The following DTNBP1 variants were observed in gnomAD, a reference collection of about 807,000 sequenced individuals.
DTNBP1 encodes dysbindin.
DTNBP1 carries 35 observed loss-of-function variants against 42.8 expected under a neutral mutation model. The ratio of observed to expected loss-of-function variants is 0.82; its 90% CI spans 0.63 to 1.09. The LOEUF is 1.09. Ranked by LOEUF, DTNBP1 falls within the 50% of genes least tolerant of loss-of-function variation. DTNBP1 has a pLI of 0.00. For missense variants in DTNBP1, 457 were observed against 424.2 expected (o/e 1.08, Z -0.68); for synonymous variants, 171 against 162.2 (o/e 1.05, Z -0.41).
At chr6:15,602,748 A>C (rs994187657) in intron 6 of DTNBP1, among the ~76,000 whole-genome samples, 1 of 152,204 alleles carries the variant, frequency 6.6e-6, no homozygotes, top group Non-Finnish European at 1.5e-5. Context: ...CTTAATTTCA[A>C]AAAACTTTTC....
intron 8 of DTNBP1, among the ~76,000 whole-genome samples, chr6:15,529,603 T>A (rs1772669678): frequency 6.6e-6 from 1 of 152,230 alleles, no homozygotes; most frequent in African/African-American, 2.4e-5. Context: ...GGGACACCCC[T>A]GGCTCCATAG....
intron 7 of DTNBP1, among the ~76,000 whole-genome samples, chr6:15,575,025 A>T (rs1489638299): frequency 3.9e-5 from 6 of 152,230 alleles, no homozygotes; most frequent in Admixed American, 3.3e-4. Context: ...TGATACTGCC[A>T]TACTAGCCCA....
intron 6 of DTNBP1, among the ~76,000 whole-genome samples, chr6:15,596,803 G>C (rs1235981838): frequency 6.6e-6 from 1 of 152,130 alleles, no homozygotes; most frequent in Non-Finnish European, 1.5e-5. Context: ...AAGTGGAGTA[G>C]GCTACTCAAA....
chr6:15,568,986 AC>A (rs1775218456), intron 7 of DTNBP1, among the ~76,000 whole-genome samples: 1 of 152,152 alleles, frequency 6.6e-6, no homozygotes, highest in East Asian at 1.9e-4. Flanking sequence ...AGTCAACTGT[AC>A]TTTTTTCCCC....
intron 3 of DTNBP1, among the ~76,000 whole-genome samples, chr6:15,650,349 C>T (rs899505630): frequency 6.6e-5 from 10 of 152,176 alleles, no homozygotes; most frequent in Non-Finnish European, 1.2e-4. Context: ...CTCGGCTCAC[C>T]GCAACCCCTG....
At position 15,662,928 on chromosome 6, in the gene DTNBP1, C is replaced by A; in HGVS notation, c.-59G>T. 6.3e-7 allele frequency: 1 copy of A among 1,596,306 alleles called. No homozygotes were observed. Among genetic ancestry groups the A allele is most frequent in the Non-Finnish European group, 8.5e-7 (1 of 1,176,716 alleles). On this transcript the variant is annotated 5_prime_UTR_variant, in exon 1 of 10. Coordinates refer to ENST00000344537, the MANE Select transcript of DTNBP1 (RefSeq NM_032122.5). ...CGGGCTGCTGCTGCCTCTGTCGCCC[C>A]CTGGGTCCCACGCCGCCAACCCCGC...
At chr6:15,565,339 C>T (rs546372501) in intron 7 of DTNBP1, among the ~76,000 whole-genome samples, 5 of 152,258 alleles carry the variant, frequency 3.3e-5, no homozygotes, top group East Asian at 1.9e-4. Flanking sequence ...TAGGAATCTA[C>T]GCAAGAGGAT....
At chr6:15,577,983 T>C (rs576695128) in intron 7 of DTNBP1, among the ~76,000 whole-genome samples, 1 of 152,248 alleles carries the variant, frequency 6.6e-6, no homozygotes, top group Admixed American at 6.5e-5. Context: ...GCAAAAGGGA[T>C]TAAGGAAAAG....
chr6:15,585,966 C>T (rs930049269), intron 7 of DTNBP1: 58 of 1,311,974 alleles, frequency 4.4e-5, no homozygotes, highest in Non-Finnish European at 5.8e-6. Context: ...TTGGAATCTA[C>T]TGCCTCTATA....
chr6:15,600,043 A>AT (rs1389551831), intron 6 of DTNBP1, among the ~76,000 whole-genome samples: 3,575 of 147,400 alleles, frequency 0.024, 145 homozygotes, highest in African/African-American at 0.081. Flanking sequence ...TAGAAGGTGG[A>AT]TTTTTTTTTT....
At chr6:15,604,225 G>T (rs1776842415) in intron 6 of DTNBP1, among the ~76,000 whole-genome samples, 1 of 152,160 alleles carries the variant, frequency 6.6e-6, no homozygotes, top group Non-Finnish European at 1.5e-5. Context: ...TTTCGGGGGA[G>T]AGAATAAATC....
intron 9 of DTNBP1, chr6:15,523,676 A>T (rs1772104786): frequency 7.8e-7 from 1 of 1,287,316 alleles, no homozygotes; most frequent in Non-Finnish European, 1.0e-6. Context: ...CTCTTCAAGG[A>T]ATCAAAATTC....
intron 7 of DTNBP1, among the ~76,000 whole-genome samples, chr6:15,565,345 A>G (rs765168212): frequency 6.6e-5 from 10 of 152,268 alleles, no homozygotes; most frequent in Non-Finnish European, 1.3e-4. Context: ...TCTACGCAAG[A>G]GGATGAAAAC....
At chr6:15,628,867 T>C (rs1759517669) in intron 4 of DTNBP1, among the ~76,000 whole-genome samples, 1 of 152,204 alleles carries the variant, frequency 6.6e-6, no homozygotes, top group Non-Finnish European at 1.5e-5. Flanking sequence ...TTCACTATAG[T>C]AGGAATTCTC....
At chr6:15,530,007 T>C (rs1772702797) in intron 8 of DTNBP1, among the ~76,000 whole-genome samples, 1 of 152,272 alleles carries the variant, frequency 6.6e-6, no homozygotes, top group Admixed American at 6.5e-5. Context: ...AGTGGGCACA[T>C]ATGTGCCTTC....
intron 3 of DTNBP1, among the ~76,000 whole-genome samples, chr6:15,650,763 T>C (rs1488329493): frequency 2.0e-5 from 3 of 152,196 alleles, no homozygotes; most frequent in Non-Finnish European, 4.4e-5. Context: ...TCTGGATACA[T>C]GTTGTTCCTC....
intron 7 of DTNBP1, among the ~76,000 whole-genome samples, chr6:15,536,531 G>A (rs62396144): frequency 0.098 from 14,854 of 152,320 alleles, 809 homozygotes; most frequent in Non-Finnish European, 0.11. Flanking sequence ...TTAGGCCTGC[G>A]GGTGCACGGA....
At chr6:15,588,050 C>T (rs1054894175) in intron 7 of DTNBP1, among the ~76,000 whole-genome samples, 55 of 152,126 alleles carry the variant, frequency 3.6e-4, no homozygotes, top group African/African-American at 1.0e-3. Flanking sequence ...AAGTTGATGG[C>T]AGCATTATTC....
chr6:15,589,906 G>A (rs1389511966), intron 7 of DTNBP1, among the ~76,000 whole-genome samples: 3 of 152,016 alleles, frequency 2.0e-5, no homozygotes, highest in Non-Finnish European at 4.4e-5. Context: ...GTTAGTTCAT[G>A]TCACCTTTAT....
Sources: gnomAD v4.1 joint callset for allele counts (sites outside exome capture counted in the v4.1 genomes callset) on GRCh38, gnomAD v4.1.1 for gene constraint, MANE v1.5 for transcripts, NCBI Gene and HGNC (gene_info 2026-07-23, HGNC 2026-07-21) for gene names.